AP1AR: variants seen among roughly 807,000 people sequenced by gnomAD.
AP1AR encodes adaptor related protein complex 1 associated regulatory protein.
Under a neutral mutation model 46.3 loss-of-function variants are expected in AP1AR, and 29 were observed. The observed-to-expected ratio is 0.63, with a 90% CI of 0.47 to 0.85. AP1AR has a LOEUF of 0.85. Among genes scored for constraint, AP1AR ranks in the 40% least tolerant of loss-of-function variants. The probability of loss-of-function intolerance (pLI) is 0.00; values close to 1 mark genes in which losing one functional copy is unlikely to be tolerated. For missense variants in AP1AR, 357 were observed against 356.3 expected (o/e 1.00, Z -0.02); for synonymous variants, 122 against 122.9 (o/e 0.99, Z 0.05).
At chr4:112,265,394 T>G (rs759568655) in intron 7 of AP1AR, 1 of 359,754 alleles carries the variant, frequency 2.8e-6, no homozygotes, top group Non-Finnish European at 4.9e-6. Flanking sequence ...ATAATAAAGT[T>G]TATGTGTGGT....
At chr4:112,262,007 T>TA (rs1421445071) in intron 5 of AP1AR, among the ~76,000 whole-genome samples, 1 of 151,552 alleles carries the variant, frequency 6.6e-6, no homozygotes, top group Non-Finnish European at 1.5e-5. Context: ...TATACATACA[T>TA]ACATATACAT....
Position 112,232,083 on chromosome 4 carries a change from C to T in AP1AR, c.-9C>T. On this transcript the variant is annotated 5_prime_UTR_variant, in exon 1 of 10. Transcript: ENST00000274000. ...AGGAGGAGGAGCGGCGGCGCCTGGG[C>T]GGCATGCGATGGGGAACTGCTGCTG... 1 of 1,348,872 alleles carries T rather than the reference C, an allele frequency of 7.4e-7. No homozygotes were observed. Among genetic ancestry groups the T allele is most frequent in the East Asian group, 3.1e-5 (1 of 32,644 alleles). The allele number at this position is 1,348,872 out of a possible 1,614,324, so 83.6% of individuals were successfully genotyped here.
chr4:112,251,155 T>C (rs1725944979), intron 1 of AP1AR, among the ~76,000 whole-genome samples: 1 of 152,208 alleles, frequency 6.6e-6, no homozygotes, highest in African/African-American at 2.4e-5. Flanking sequence ...CAGAAGGATA[T>C]TGTCTCTCCC....
rs1578428797 is a variant in AP1AR, at chr4:112,273,084, T to C, written c.*4675T>C. 1 of 151,918 alleles carries C rather than the reference T, an allele frequency of 6.6e-6. No homozygotes were observed. Among genetic ancestry groups the C allele is most frequent in the East Asian group, 1.9e-4 (1 of 5,172 alleles). 9.4% of individuals were successfully genotyped at this position (151,918 alleles called of 1,614,324 possible). On this transcript the variant is annotated 3_prime_UTR_variant, in exon 10 of 10. Transcript: ENST00000274000. ...CCTAAATGTAAAACAACAACAACAA[T>C]AACAATAAAAATGGAGAGAAACAGA...
intron 7 of AP1AR, 89 bp downstream of exon 7, chr4:112,265,156 C>T (rs146737294): frequency 9.6e-5 from 91 of 944,830 alleles, no homozygotes; most frequent in East Asian, 4.9e-4. Flanking sequence ...TGTGTATATA[C>T]GCATTCATGT....
Position 112,234,053 on chromosome 4 carries a change from G to C in AP1AR, c.83+1879G>C, listed in dbSNP as rs570462027. On this transcript the variant is annotated intron_variant, in intron 1 of 9. Transcript: ENST00000274000. ...TTTTTGTATTTTTAGTAGAGACCGG[G>C]TTTCACCCTGTTAGCCAGAATGGTC... 2.0e-5 allele frequency among the ~76,000 whole-genome samples: 3 copies of C among 152,302 alleles called. No homozygotes were observed. In the South Asian group the frequency reaches 6.2e-4, roughly 32 times the overall value.
chr4:112,260,271 T>C (rs1414555386), intron 4 of AP1AR, among the ~76,000 whole-genome samples: 1 of 152,138 alleles, frequency 6.6e-6, no homozygotes, highest in Non-Finnish European at 1.5e-5. Flanking sequence ...GGCCAGAAGA[T>C]GACTGGGACA....
At position 112,270,412 on chromosome 4, in the gene AP1AR, C is replaced by G. The variant is rs771242863; in HGVS notation, c.*2003C>G. Among the ~76,000 whole-genome samples, 4 of 152,142 alleles carry G rather than the reference C, an allele frequency of 2.6e-5. No individual in the cohort carries two copies. Among genetic ancestry groups the G allele is most frequent in the Non-Finnish European group, 5.9e-5 (4 of 68,016 alleles). On this transcript the variant is annotated 3_prime_UTR_variant, in exon 10 of 10. Coordinates refer to ENST00000274000, the MANE Select transcript of AP1AR (RefSeq NM_018569.6). ...AGTAAACATACATGCAAGAAAATCACAGGTCACAGTTAGAAAATATACAAG... is the reference window on the plus strand; with the variant it reads ...AGTAAACATACATGCAAGAAAATCAGAGGTCACAGTTAGAAAATATACAAG...
At chr4:112,235,196 A>G (rs908101889) in intron 1 of AP1AR, among the ~76,000 whole-genome samples, 1 of 152,186 alleles carries the variant, frequency 6.6e-6, no homozygotes, top group Non-Finnish European at 1.5e-5. Flanking sequence ...AACACTTTCT[A>G]CAGGGCTCCA....
intron 1 of AP1AR, among the ~76,000 whole-genome samples, chr4:112,248,371 T>C (rs1560605836): frequency 6.6e-6 from 1 of 152,198 alleles, no homozygotes; most frequent in African/African-American, 2.4e-5. Flanking sequence ...GACTACACAT[T>C]AGATAATATT....
At chr4:112,255,444 TTC>T (rs1343068255) in intron 3 of AP1AR, among the ~76,000 whole-genome samples, 1 of 152,200 alleles carries the variant, frequency 6.6e-6, no homozygotes, top group Non-Finnish European at 1.5e-5. Flanking sequence ...TGCCGTTGTT[TTC>T]TTTTTAAGAG....
At chr4:112,248,961 G>A (rs1725836260) in intron 1 of AP1AR, among the ~76,000 whole-genome samples, 1 of 152,084 alleles carries the variant, frequency 6.6e-6, no homozygotes, top group Non-Finnish European at 1.5e-5. Context: ...TTCTGCCTTT[G>A]CTTTAACCGA....
At chr4:112,265,161 T>G in intron 7 of AP1AR, 94 bp downstream of exon 7, 1 of 892,454 alleles carries the variant, frequency 1.1e-6, no homozygotes, top group Non-Finnish European at 1.7e-6. Context: ...ATATACGCAT[T>G]CATGTTTATG....
chr4:112,268,824 G>A lies in AP1AR; in HGVS notation c.*415G>A, dbSNP rs2110497322. 1 of 153,298 alleles carries A rather than the reference G, an allele frequency of 6.5e-6. No individual in the cohort carries two copies. Among genetic ancestry groups the A allele is most frequent in the South Asian group, 2.1e-4 (1 of 4,856 alleles). 9.5% of individuals were successfully genotyped at this position (153,298 alleles called of 1,614,324 possible). ...TCAGCCGATGTGAAGGAAGCATGAG[G>A]AGGGATCGTCAGATTCAGATTTAGA... On this transcript the variant is annotated 3_prime_UTR_variant, in exon 10 of 10. Transcript: ENST00000274000.
At chr4:112,237,159 G>A (rs372619641) in intron 1 of AP1AR, among the ~76,000 whole-genome samples, 1 of 152,190 alleles carries the variant, frequency 6.6e-6, no homozygotes, top group Non-Finnish European at 1.5e-5. Context: ...CCAAGCTGGA[G>A]TGCAGTGGTG....
At chr4:112,240,533 G>A (rs1725446955) in intron 1 of AP1AR, among the ~76,000 whole-genome samples, 2 of 152,244 alleles carry the variant, frequency 1.3e-5, no homozygotes, top group African/African-American at 4.8e-5. Flanking sequence ...TCTCAGTTAA[G>A]TGCCTAGTAC....
chr4:112,238,559 T>A (rs1725351189), intron 1 of AP1AR, among the ~76,000 whole-genome samples: 1 of 152,234 alleles, frequency 6.6e-6, no homozygotes, highest in South Asian at 2.1e-4. Flanking sequence ...GTAAGATGTT[T>A]CTCTTGGAAT....
intron 1 of AP1AR, among the ~76,000 whole-genome samples, chr4:112,242,381 C>G (rs1349109369): frequency 2.0e-5 from 3 of 151,892 alleles, no homozygotes; most frequent in Non-Finnish European, 4.4e-5. Context: ...CTCTGATGTC[C>G]TTTATGTGTT....
At chr4:112,241,913 G>A (rs1436938758) in intron 1 of AP1AR, among the ~76,000 whole-genome samples, 1 of 151,806 alleles carries the variant, frequency 6.6e-6, no homozygotes, top group African/African-American at 2.4e-5. Context: ...AGCATTCTTG[G>A]GAAGCTTTTA....
Sources: gnomAD v4.1 joint callset for allele counts (sites outside exome capture counted in the v4.1 genomes callset) on GRCh38, gnomAD v4.1.1 for gene constraint, MANE v1.5 for transcripts, NCBI Gene and HGNC (gene_info 2026-07-23, HGNC 2026-07-21) for gene names.